DENND2B: variants seen among roughly 807,000 people sequenced by gnomAD.
The protein encoded by DENND2B is DENN domain containing 2B.
A neutral mutation model predicts 116.0 loss-of-function variants in DENND2B; 32 were observed. The observed-to-expected ratio is 0.28, with a 90% CI of 0.21 to 0.37. The LOEUF is 0.37. Ranked by LOEUF, DENND2B falls within the 10% of genes least tolerant of loss-of-function variation. The probability of loss-of-function intolerance (pLI) is 1.00; values close to 1 mark genes in which losing one functional copy is unlikely to be tolerated. For missense variants in DENND2B, 1,276 were observed against 1,477.7 expected, an observed-to-expected ratio of 0.86 and a Z score of 2.24; for synonymous variants, 588 against 583.9, an observed-to-expected ratio of 1.01 and a Z score of -0.10.
At chr11:8,881,642 TC>T (rs1406302729) in intron 1 of DENND2B, among the ~76,000 whole-genome samples, 2 of 152,190 alleles carry the variant, frequency 1.3e-5, no homozygotes, top group African/African-American at 4.8e-5. Flanking sequence ...TTCAAGTGAT[TC>T]TTGTGCCTCA....
At chr11:8,878,944 T>C (rs1174615198) in intron 2 of DENND2B, among the ~76,000 whole-genome samples, 2 of 152,102 alleles carry the variant, frequency 1.3e-5, no homozygotes, top group Non-Finnish European at 1.5e-5. Context: ...GTGGTGAAAA[T>C]GTTTTGGAAC....
At chr11:8,743,880 G>T (rs1179349629) in intron 2 of DENND2B, among the ~76,000 whole-genome samples, 1 of 151,594 alleles carries the variant, frequency 6.6e-6, no homozygotes, top group Non-Finnish European at 1.5e-5. Context: ...CAGAGGAGCT[G>T]GGACTACAGG....
At chr11:8,858,150 C>A (rs955275510) in intron 2 of DENND2B, among the ~76,000 whole-genome samples, 2 of 152,176 alleles carry the variant, frequency 1.3e-5, no homozygotes, top group African/African-American at 4.8e-5. Flanking sequence ...CTTTCCTCTC[C>A]ACTATTTTTA....
intron 4 of DENND2B, among the ~76,000 whole-genome samples, chr11:8,816,930 G>A (rs1436320693): frequency 6.6e-6 from 1 of 152,190 alleles, no homozygotes; most frequent in Non-Finnish European, 1.5e-5. Flanking sequence ...CAAAGCAGCA[G>A]AAAGACTCCT....
At chr11:8,880,204 A>G (rs1378314211) in intron 2 of DENND2B, among the ~76,000 whole-genome samples, 1 of 152,086 alleles carries the variant, frequency 6.6e-6, no homozygotes, top group Non-Finnish European at 1.5e-5. Context: ...TTTTAGGATA[A>G]TTGGCATTCT....
chr11:8,866,798 G>A (rs932442232), intron 2 of DENND2B, among the ~76,000 whole-genome samples: 1 of 152,072 alleles, frequency 6.6e-6, no homozygotes, highest in Non-Finnish European at 1.5e-5. Context: ...CACTAAGAGG[G>A]GTCACATTCC....
intron 1 of DENND2B, among the ~76,000 whole-genome samples, chr11:8,800,306 T>C (rs1724400817): frequency 6.6e-6 from 1 of 152,132 alleles, no homozygotes; most frequent in Non-Finnish European, 1.5e-5. Context: ...AGGTCACAAA[T>C]TGCTAATAAA....
chr11:8,804,060 TG>T (rs1277039761), intron 1 of DENND2B, among the ~76,000 whole-genome samples: 5 of 152,084 alleles, frequency 3.3e-5, no homozygotes, highest in African/African-American at 1.2e-4. Context: ...CTGTGAGGAG[TG>T]AGCATCCCAC....
chr11:8,896,253 C>A (rs1456269103), intron 1 of DENND2B, among the ~76,000 whole-genome samples: 1 of 151,766 alleles, frequency 6.6e-6, no homozygotes, highest in Non-Finnish European at 1.5e-5. Context: ...TAATAAATGT[C>A]CATGGAACAA....
intron 3 of DENND2B, among the ~76,000 whole-genome samples, chr11:8,728,134 G>A (rs1183403608): frequency 6.6e-6 from 1 of 151,976 alleles, no homozygotes; most frequent in South Asian, 2.1e-4. Flanking sequence ...CTCCCAAGTA[G>A]CTGAGACTGC....
intron 14 of DENND2B, among the ~76,000 whole-genome samples, chr11:8,701,002 G>C (rs1439871373): frequency 6.6e-6 from 1 of 151,982 alleles, no homozygotes; most frequent in Non-Finnish European, 1.5e-5. Context: ...TTGGCCAGGA[G>C]AGTCTCGATC....
intron 1 of DENND2B, among the ~76,000 whole-genome samples, chr11:8,793,255 G>A (rs1170275307): frequency 2.0e-5 from 3 of 152,078 alleles, no homozygotes; most frequent in Admixed American, 2.0e-4. Flanking sequence ...CATTAACTAT[G>A]TTCACAATGT....
chr11:8,762,873 A>G (rs1180706457), intron 1 of DENND2B, among the ~76,000 whole-genome samples: 1 of 152,218 alleles, frequency 6.6e-6, no homozygotes, highest in Non-Finnish European at 1.5e-5. Context: ...ACAAAAAGTG[A>G]TAACCATAAT....
chr11:8,869,433 C>G (rs1397923525), intron 2 of DENND2B, among the ~76,000 whole-genome samples: 3 of 152,084 alleles, frequency 2.0e-5, no homozygotes, highest in African/African-American at 7.2e-5. Flanking sequence ...GAGGCCCAGG[C>G]GGGTGGATCA....
intron 2 of DENND2B, among the ~76,000 whole-genome samples, chr11:8,858,898 G>A (rs1383888440): frequency 9.9e-5 from 15 of 152,188 alleles, no homozygotes; most frequent in Admixed American, 9.2e-4. Context: ...TTGTCTGGAA[G>A]GCTAGATTAG....
intron 2 of DENND2B, among the ~76,000 whole-genome samples, chr11:8,869,872 T>A (rs551584247): frequency 5.3e-4 from 81 of 152,174 alleles, no homozygotes; most frequent in Middle Eastern, 3.4e-3. Flanking sequence ...TCAGTCTCTA[T>A]CTTGGATTAG....
chr11:8,906,615 A>T (rs1249430207), intron 1 of DENND2B, among the ~76,000 whole-genome samples: 3 of 152,152 alleles, frequency 2.0e-5, no homozygotes, highest in Admixed American at 2.0e-4. Context: ...CAAGATTTCA[A>T]TCATTCCTGC....
At chr11:8,862,172 G>A (rs936927611) in intron 2 of DENND2B, among the ~76,000 whole-genome samples, 1 of 151,750 alleles carries the variant, frequency 6.6e-6, no homozygotes. Context: ...TACCACAAAA[G>A]CTATTGAAAT....
At chr11:8,838,135 T>A (rs751364655) in intron 4 of DENND2B, among the ~76,000 whole-genome samples, 40 of 152,224 alleles carry the variant, frequency 2.6e-4, no homozygotes, top group Non-Finnish European at 3.4e-4. Context: ...TTTTATCTGT[T>A]TGGAGTCATC....
Sources: gnomAD v4.1 joint callset for allele counts (sites outside exome capture counted in the v4.1 genomes callset) on GRCh38, gnomAD v4.1.1 for gene constraint, MANE v1.5 for transcripts, NCBI Gene and HGNC (gene_info 2026-07-23, HGNC 2026-07-21) for gene names.